ERCC6L2: variants seen among roughly 807,000 people sequenced by gnomAD.
ERCC6L2 encodes ERCC excision repair 6 like 2.
Under a neutral mutation model 132.0 loss-of-function variants are expected in ERCC6L2, and 77 were observed. That is an observed-to-expected ratio of 0.58 (90% CI 0.49 to 0.71). ERCC6L2 has a LOEUF of 0.71. Among genes scored for constraint, ERCC6L2 ranks in the 30% least tolerant of loss-of-function variants. The pLI, the probability that ERCC6L2 is intolerant of heterozygous loss-of-function variation, is 0.00. For missense variants in ERCC6L2, 1,542 were observed against 1,837.6 expected (o/e 0.84, Z 2.94); for synonymous variants, 583 against 632.4 (o/e 0.92, Z 1.17).
Position 96,012,468 on chromosome 9 carries a change from A to C in ERCC6L2, c.3918A>C (p.Pro1306=). The C allele has an allele frequency of 7.3e-7, 1 of 1,367,376 alleles. No homozygotes were observed. Among genetic ancestry groups the C allele is most frequent in the Non-Finnish European group, 9.8e-7 (1 of 1,021,784 alleles). The allele number at this position is 1,367,376 out of a possible 1,614,324, so 84.7% of individuals were successfully genotyped here. ...ATAAAAGAGAATCTCTTATAAAACCAAGGCTGTCAGATTCTGAAACCTTGT... is the reference window on the plus strand; with the variant it reads ...ATAAAAGAGAATCTCTTATAAAACCCAGGCTGTCAGATTCTGAAACCTTGT... ...KSDKRESLIK[P]RLSDSETLSF... is the part of the protein sequence containing the mutation. The change falls in exon 19 of 19, where the codon CCA becomes CCC. Residue 1306 remains proline, a synonymous_variant. Coordinates refer to ENST00000653738, the MANE Select transcript of ERCC6L2 (RefSeq NM_020207.7).
At chr9:96,033,699 C>T (rs1243482483) in intron 19 of ERCC6L2, among the ~76,000 whole-genome samples, 1 of 152,204 alleles carries the variant, frequency 6.6e-6, no homozygotes, top group African/African-American at 2.4e-5. Context: ...GAACACTATC[C>T]CTTCTGTTTC....
intron 17 of ERCC6L2, among the ~76,000 whole-genome samples, chr9:96,001,411 C>T (rs911611037): frequency 6.6e-6 from 1 of 152,082 alleles, no homozygotes; most frequent in South Asian, 2.1e-4. Flanking sequence ...AGGTTCTCCA[C>T]GTCCCCATCA....
intron 2 of ERCC6L2, among the ~76,000 whole-genome samples, chr9:95,890,262 G>A (rs1564196794): frequency 6.6e-6 from 1 of 152,064 alleles, no homozygotes; most frequent in Non-Finnish European, 1.5e-5. Context: ...AGTTGAATTG[G>A]ATAACATTAT....
intron 4 of ERCC6L2, among the ~76,000 whole-genome samples, chr9:95,908,233 G>C (rs1158427020): frequency 1.3e-5 from 2 of 152,134 alleles, no homozygotes; most frequent in East Asian, 3.8e-4. Context: ...ACTGTGTTTA[G>C]AGACAGGTCT....
At chr9:95,979,696 A>G (rs932562263) in intron 17 of ERCC6L2, among the ~76,000 whole-genome samples, 1 of 152,128 alleles carries the variant, frequency 6.6e-6, no homozygotes, top group Non-Finnish European at 1.5e-5. Context: ...TTTTATACTC[A>G]TCTTCTCATT....
Position 96,013,764 on chromosome 9 carries a change from A to G in ERCC6L2, c.*561A>G, listed in dbSNP as rs569510284. 6.6e-6 allele frequency: 1 copy of G among 152,440 alleles called. No homozygotes were observed. Among genetic ancestry groups the G allele is most frequent in the East Asian group, 1.9e-4 (1 of 5,192 alleles). The allele number at this position is 152,440 out of a possible 1,614,324, so 9.4% of individuals were successfully genotyped here. Reference sequence around the variant, plus strand: ...AAAAGTCATAATTGGTACTGAATATATGGTATATATAATATTAAAATGGTA... The same window carrying G: ...AAAAGTCATAATTGGTACTGAATATGTGGTATATATAATATTAAAATGGTA... On this transcript the variant is annotated 3_prime_UTR_variant, in exon 19 of 19. Coordinates refer to ENST00000653738, the MANE Select transcript of ERCC6L2 (RefSeq NM_020207.7).
At chr9:95,907,907 A>G (rs1829157585) in intron 4 of ERCC6L2, among the ~76,000 whole-genome samples, 1 of 137,060 alleles carries the variant, frequency 7.3e-6, no homozygotes. Context: ...AGAAGTGGCC[A>G]AGAGGTAACA....
At chr9:95,929,853 AC>A (rs1257105917) in intron 11 of ERCC6L2, among the ~76,000 whole-genome samples, 2 of 152,152 alleles carry the variant, frequency 1.3e-5, no homozygotes, top group African/African-American at 4.8e-5. Context: ...GATGCACTAA[AC>A]AATGGTTCCA....
At chr9:96,040,159 C>T (rs113882843) in intron 20 of ERCC6L2, among the ~76,000 whole-genome samples, 2 of 151,976 alleles carry the variant, frequency 1.3e-5, no homozygotes, top group Non-Finnish European at 2.9e-5. Context: ...CCTGCCCCCC[C>T]CCAAGCACCC....
At position 95,897,940 on chromosome 9, in the gene ERCC6L2, A is replaced by T. The variant is rs772747987; in HGVS notation, c.563A>T (p.Lys188Ile). Residue 188 changes from lysine to isoleucine, a missense_variant, in exon 3 of 19, where the codon AAA becomes ATA. Around this residue, in one of 4 missense-constraint regions of ERCC6L2, gnomAD observed 945 missense variants for 1,105.2 expected, o/e 0.86. Transcript: ENST00000653738. Reference protein sequence around the residue: ...NMPEFLLRSMKKEPLSSTAKK... With the variant: ...NMPEFLLRSMIKEPLSSTAKK... ...CCAGAGTTTTTACTAAGAAGTATGA[A>T]AAAGGAACCCCTTTCTTCTACAGCA... The T allele has an allele frequency of 3.1e-5, 50 of 1,612,332 alleles. No homozygotes were observed. Among genetic ancestry groups the T allele is most frequent in the Non-Finnish European group, 4.2e-5 (49 of 1,179,184 alleles).
intron 6 of ERCC6L2, among the ~76,000 whole-genome samples, chr9:95,919,356 A>T (rs764951473): frequency 2.6e-5 from 4 of 152,208 alleles, no homozygotes; most frequent in Non-Finnish European, 5.9e-5. Flanking sequence ...CAAATAAAAA[A>T]ATGTCACTGC....
intron 2 of ERCC6L2, among the ~76,000 whole-genome samples, chr9:95,897,054 A>G: frequency 6.7e-6 from 1 of 148,214 alleles, no homozygotes; most frequent in Middle Eastern, 3.8e-3. Context: ...TGTTTTATAT[A>G]GTTTTTCTTC....
At chr9:95,917,799 G>C (rs895930212) in intron 6 of ERCC6L2, among the ~76,000 whole-genome samples, 1 of 152,108 alleles carries the variant, frequency 6.6e-6, no homozygotes, top group African/African-American at 2.4e-5. Flanking sequence ...TGGAACCTGG[G>C]TTTCTTCCTC....
At chr9:95,947,735 G>A (rs909780026) in intron 12 of ERCC6L2, among the ~76,000 whole-genome samples, 10 of 152,130 alleles carry the variant, frequency 6.6e-5, no homozygotes, top group African/African-American at 1.4e-4. Context: ...TTACCATTCC[G>A]AAAATCTTAG....
intron 13 of ERCC6L2, among the ~76,000 whole-genome samples, chr9:95,962,708 TATG>T (rs1831966092): frequency 6.6e-6 from 1 of 152,196 alleles, no homozygotes; most frequent in African/African-American, 2.4e-5. Context: ...TTTTCAGTTT[TATG>T]ATGGTGCTAA....
intron 12 of ERCC6L2, among the ~76,000 whole-genome samples, chr9:95,948,791 G>GAAAAAAAAAAAAAAAAAAAA (rs55712485): frequency 2.8e-4 from 29 of 103,920 alleles, no homozygotes; most frequent in African/African-American, 3.8e-4. Context: ...CAAGACATTA[G>GAAAAAAAAAAAAAAAAAAAA]AAAAAAAAAA....
At chr9:96,020,779 G>A (rs777353149), downstream of ERCC6L2, 4 of 456,772 alleles carry the variant, frequency 8.8e-6, no homozygotes, top group South Asian at 6.2e-5. Context: ...GGAGTGGACG[G>A]GCCTAAGAGA....
At chr9:95,986,174 A>T (rs1382434519) in intron 17 of ERCC6L2, among the ~76,000 whole-genome samples, 2 of 152,316 alleles carry the variant, frequency 1.3e-5, no homozygotes, top group South Asian at 2.1e-4. Context: ...ATTGTATTAT[A>T]CAATACTATA....
chr9:95,928,440 A>G (rs982081555), intron 10 of ERCC6L2, among the ~76,000 whole-genome samples: 1 of 152,210 alleles, frequency 6.6e-6, no homozygotes, highest in African/African-American at 2.4e-5. Flanking sequence ...AATAGCATGC[A>G]TATATTTATG....
Sources: gnomAD v4.1 joint callset for allele counts (sites outside exome capture counted in the v4.1 genomes callset) on GRCh38, gnomAD v4.1.1 for gene constraint, gnomAD v4.1.1 regional missense constraint, MANE v1.5 for transcripts, NCBI Gene and HGNC (gene_info 2026-07-23, HGNC 2026-07-21) for gene names.